Variants in RCAN3 observed in about 807,000 individuals in gnomAD.
RCAN3 encodes the protein regulator of calcineurin 3.
Under a neutral mutation model 21.9 loss-of-function variants are expected in RCAN3, and 19 were observed. The observed-to-expected ratio is 0.87, with a 90% CI of 0.61 to 1.27. RCAN3 has a LOEUF of 1.27. RCAN3 is among the 50% of genes most tolerant of loss of function. RCAN3 has a pLI of 0.00. For missense variants in RCAN3, 240 were observed against 300.1 expected (o/e 0.80, Z 1.48); for synonymous variants, 114 against 112.3 (o/e 1.01, Z -0.09).
At chr1:24,521,255 C>T (rs1316214733) in intron 2 of RCAN3, among the ~76,000 whole-genome samples, 2 of 152,128 alleles carry the variant, frequency 1.3e-5, no homozygotes, top group African/African-American at 2.4e-5. Context: ...CTGAAATCCA[C>T]ATGCAGAAGA....
chr1:24,506,584 G>C (rs570194290), intron 1 of RCAN3, among the ~76,000 whole-genome samples: 1 of 151,524 alleles, frequency 6.6e-6, no homozygotes, highest in African/African-American at 2.4e-5. Flanking sequence ...AATAGAGAAA[G>C]ATAAAGCAGA....
chr1:24,533,275 C>T (rs1570487350), intron 4 of RCAN3, 21 bp downstream of exon 4: 1 of 1,444,352 alleles, frequency 6.9e-7, no homozygotes, highest in Non-Finnish European at 9.3e-7. Flanking sequence ...TCTATTTTTC[C>T]TATTTTCTTC....
Position 24,536,829 on chromosome 1 carries a change from T to C in RCAN3, c.*1552T>C, listed in dbSNP as rs1650261669. On this transcript the variant is annotated 3_prime_UTR_variant, in exon 5 of 5. Coordinates refer to ENST00000374395, the MANE Select transcript of RCAN3 (RefSeq NM_013441.4). ...ATACCCCTAATTTTTTTTTTTTCTG[T>C]ATCTTCCTTGCCCTCAAATACCCTG... The C allele has an allele frequency of 6.6e-6, 1 of 152,146 alleles. No homozygotes were observed. The highest frequency in any genetic ancestry group is 2.1e-4 in the South Asian group (1 of 4,826). The allele number at this position is 152,146 out of a possible 1,614,324, so 9.4% of individuals were successfully genotyped here.
intron 1 of RCAN3, among the ~76,000 whole-genome samples, chr1:24,508,061 GCGCCGAGAC>G (rs1647581847): frequency 6.6e-6 from 1 of 152,106 alleles, no homozygotes; most frequent in Admixed American, 6.5e-5. Flanking sequence ...TCGCGCCACT[GCGCCGAGAC>G]TGCGCCACTG....
intron 1 of RCAN3, 41 bp downstream of exon 1, chr1:24,503,191 G>A (rs1201349875): frequency 7.6e-5 from 11 of 145,684 alleles, no homozygotes; most frequent in African/African-American, 2.7e-4. Context: ...GGGGCGGGTG[G>A]GGGGGGTGGT....
intron 2 of RCAN3, 75 bp downstream of exon 2, chr1:24,514,642 C>T: frequency 7.1e-7 from 1 of 1,407,134 alleles, no homozygotes; most frequent in South Asian, 1.3e-5. Context: ...CAGAGCTTGA[C>T]TGGTCCCTGA....
At chr1:24,528,068 G>C (rs1289154325) in intron 2 of RCAN3, among the ~76,000 whole-genome samples, 4 of 151,874 alleles carry the variant, frequency 2.6e-5, no homozygotes, top group Non-Finnish European at 5.9e-5. Context: ...ATTTTTTGTG[G>C]AATTACATAG....
intron 2 of RCAN3, among the ~76,000 whole-genome samples, chr1:24,523,999 G>A (rs2148904658): frequency 6.6e-6 from 1 of 152,296 alleles, no homozygotes; most frequent in East Asian, 1.9e-4. Context: ...GCCGAGGTGG[G>A]TGGATCACCC....
intron 1 of RCAN3, among the ~76,000 whole-genome samples, 199 bp downstream of exon 1, chr1:24,503,349 G>T (rs1647226547): frequency 6.6e-6 from 1 of 151,602 alleles, no homozygotes. Flanking sequence ...CCCTTCTCGC[G>T]CGCGGGGTCT....
chr1:24,526,593 G>A (rs1031127902), intron 2 of RCAN3, among the ~76,000 whole-genome samples: 2 of 152,178 alleles, frequency 1.3e-5, no homozygotes, highest in East Asian at 3.9e-4. Flanking sequence ...GGAAGAATTC[G>A]TTGTGGGGGG....
At chr1:24,512,991 G>C (rs1279060026) in intron 1 of RCAN3, among the ~76,000 whole-genome samples, 12 of 151,916 alleles carry the variant, frequency 7.9e-5, no homozygotes, top group Admixed American at 7.9e-4. Context: ...TAATCCCAGC[G>C]CTTTAGGAGG....
In RCAN3 at chr1:24,525,651, T is replaced by A. The variant is rs1324342542; in HGVS notation, c.196-5567T>A. On this transcript the variant is annotated intron_variant, in intron 2 of 4. Transcript: ENST00000374395. This position sits in a 1 kb window ranked among gnomAD's most constrained non-coding sequence, Gnocchi z 4.1. The stretch of plus-strand genomic sequence containing the variant: ...GAAATTTCTAAAAGTGAGCTATTTC[T>A]GAAATAATTCTAAGGAGAAAAATAG... 6.6e-6 allele frequency among the ~76,000 whole-genome samples: 1 copy of A among 152,246 alleles called. No individual in the cohort carries two copies. Among genetic ancestry groups the A allele is most frequent in the African/African-American group, 2.4e-5 (1 of 41,462 alleles).
intron 2 of RCAN3, among the ~76,000 whole-genome samples, chr1:24,520,929 T>C (rs1289868396): frequency 6.6e-6 from 1 of 152,190 alleles, no homozygotes; most frequent in Non-Finnish European, 1.5e-5. Flanking sequence ...AAAATCCCAA[T>C]GATTTTTTTT....
In RCAN3 at chr1:24,536,642, AG is replaced by A. The variant is rs1431741376; in HGVS notation, c.*1367del. ...ACTTGGGAAGCTCCGGGGCATGTGA[AG>A]GAGCTGCAAACATGAGAACTAATGA... On this transcript the variant is annotated 3_prime_UTR_variant, in exon 5 of 5. Coordinates refer to ENST00000374395, the MANE Select transcript of RCAN3 (RefSeq NM_013441.4). 1 of 152,206 alleles carries A rather than the reference AG, an allele frequency of 6.6e-6. No homozygotes were observed. The highest frequency in any genetic ancestry group is 2.4e-5 in the African/African-American group (1 of 41,444). 9.4% of individuals were successfully genotyped at this position (152,206 alleles called of 1,614,324 possible).
chr1:24,524,828 G>GT (rs5773091), intron 2 of RCAN3, among the ~76,000 whole-genome samples: 42,536 of 126,458 alleles, frequency 0.34, 7,968 homozygotes, highest in East Asian at 0.63. Flanking sequence ...GTTTTCTTTT[G>GT]TTTTTTTTTT....
Position 24,503,042 on chromosome 1 carries a change from C to T in RCAN3, c.-168C>T, listed in dbSNP as rs1299901071. The T allele has an allele frequency of 6.7e-6, 1 of 149,644 alleles. No homozygotes were observed. Among genetic ancestry groups the T allele is most frequent in the African/African-American group, 2.4e-5 (1 of 41,090 alleles). The allele number at this position is 149,644 out of a possible 1,614,324, so 9.3% of individuals were successfully genotyped here. On this transcript the variant is annotated 5_prime_UTR_variant, in exon 1 of 5. Coordinates refer to ENST00000374395, the MANE Select transcript of RCAN3 (RefSeq NM_013441.4). Reference sequence around the variant, plus strand: ...GCCCCGCAGCTCGCGCCGTCCGGCTCCCCGCAGCCCCGTCGGGCAGCCCGG... The same window carrying T: ...GCCCCGCAGCTCGCGCCGTCCGGCTTCCCGCAGCCCCGTCGGGCAGCCCGG...
chr1:24,531,174 T>A (rs143607340), intron 2 of RCAN3, 44 bp from the exon 3 acceptor site: 2 of 1,352,862 alleles, frequency 1.5e-6, no homozygotes, highest in Non-Finnish European at 2.0e-6. Flanking sequence ...TTTCTTTTTT[T>A]TTTTTCCTCC....
intron 2 of RCAN3, among the ~76,000 whole-genome samples, chr1:24,522,990 A>G (rs1410220480): frequency 1.3e-5 from 2 of 151,952 alleles, no homozygotes; most frequent in African/African-American, 4.8e-5. Context: ...TGAAATTGCT[A>G]TATTTGTTGG....
chr1:24,516,138 G>A (rs1648299461), intron 2 of RCAN3, among the ~76,000 whole-genome samples: 1 of 151,216 alleles, frequency 6.6e-6, no homozygotes, highest in Non-Finnish European at 1.5e-5. Context: ...GCGAGACTCA[G>A]TCTCAAGAAA....
Sources: gnomAD v4.1 joint callset for allele counts (sites outside exome capture counted in the v4.1 genomes callset) on GRCh38, gnomAD v4.1.1 for gene constraint, Gnocchi (gnomAD v3.1) non-coding constraint, MANE v1.5 for transcripts, NCBI Gene and HGNC (gene_info 2026-07-23, HGNC 2026-07-21) for gene names.